NRP1: variants seen among roughly 807,000 people sequenced by gnomAD.
NRP1 encodes neuropilin 1.
In NRP1, 35 loss-of-function variants were observed where a neutral mutation model predicts 106.7. The ratio of observed to expected loss-of-function variants is 0.33; its 90% CI spans 0.25 to 0.43. The LOEUF is 0.43. NRP1 is among the 20% of genes least tolerant of loss of function. The pLI, the probability that NRP1 is intolerant of heterozygous loss-of-function variation, is 1.00. For synonymous variants in NRP1, 437 were observed against 417.9 expected, an observed-to-expected ratio of 1.05 and a Z score of -0.56; for missense variants, 1,024 against 1,170.4, an observed-to-expected ratio of 0.87 and a Z score of 1.83.
chr10:33,207,839 T>A, intron 9 of NRP1, 123 bp from the exon 10 acceptor site: 11 of 903,506 alleles, frequency 1.2e-5, no homozygotes, highest in Non-Finnish European at 1.5e-5. Flanking sequence ...ATTCTACCAC[T>A]TTGTGGTACA....
chr10:33,270,391 T>A (rs10827226), intron 3 of NRP1, among the ~76,000 whole-genome samples: 1 of 151,076 alleles, frequency 6.6e-6, no homozygotes, highest in African/African-American at 2.4e-5. Context: ...CAATGGCCTG[T>A]GCTCGGCTCA....
chr10:33,214,361 G>A (rs1838580866), intron 8 of NRP1, among the ~76,000 whole-genome samples: 1 of 152,106 alleles, frequency 6.6e-6, no homozygotes, highest in Non-Finnish European at 1.5e-5. Flanking sequence ...CCTTTCCCCT[G>A]GATACTGCAT....
chr10:33,186,771 C>G (rs1405005486), intron 13 of NRP1, among the ~76,000 whole-genome samples: 1 of 152,212 alleles, frequency 6.6e-6, no homozygotes, highest in Non-Finnish European at 1.5e-5. Context: ...TGCTATGCCT[C>G]AAGCTGGCAT....
chr10:33,230,806 A>G (rs758086482), intron 6 of NRP1, among the ~76,000 whole-genome samples: 13 of 152,322 alleles, frequency 8.5e-5, no homozygotes, highest in Non-Finnish European at 1.6e-4. Flanking sequence ...GCTTCTGTGC[A>G]TGTAAAATTT....
intron 7 of NRP1, 68 bp downstream of exon 7, chr10:33,226,066 C>T (rs980935656): frequency 1.3e-6 from 2 of 1,538,412 alleles, no homozygotes; most frequent in African/African-American, 2.7e-5. Flanking sequence ...AGCTACCAAA[C>T]AAACAAGTAA....
chr10:33,223,461 A>T (rs74810119), intron 7 of NRP1, among the ~76,000 whole-genome samples: 5 of 98,962 alleles, frequency 5.1e-5, no homozygotes, highest in Non-Finnish European at 8.6e-5. Context: ...TCTCTCCATT[A>T]AAAAAAAAAA....
intron 2 of NRP1, among the ~76,000 whole-genome samples, chr10:33,290,682 T>A (rs1844931070): frequency 6.6e-6 from 1 of 152,172 alleles, no homozygotes; most frequent in Admixed American, 6.5e-5. Context: ...ATGTCATAAG[T>A]CTCTGTGGTT....
At chr10:33,277,778 T>C (rs1843815888) in intron 2 of NRP1, among the ~76,000 whole-genome samples, 2 of 152,228 alleles carry the variant, frequency 1.3e-5, no homozygotes, top group Admixed American at 6.5e-5. Flanking sequence ...CTAGTTTCCT[T>C]TGAAGTTTGT....
At chr10:33,212,929 C>T in intron 9 of NRP1, 1 of 348,890 alleles carries the variant, frequency 2.9e-6, no homozygotes, top group Non-Finnish European at 5.2e-6. Flanking sequence ...ACTCGGCATC[C>T]CAAAGTGCTG....
intron 5 of NRP1, among the ~76,000 whole-genome samples, chr10:33,254,972 A>G (rs1343109204): frequency 1.3e-5 from 2 of 152,184 alleles, no homozygotes; most frequent in Non-Finnish European, 2.9e-5. Flanking sequence ...ATCAAAATCT[A>G]TATTCTCTTA....
At chr10:33,253,480 C>A (rs963363348) in intron 6 of NRP1, among the ~76,000 whole-genome samples, 2 of 152,170 alleles carry the variant, frequency 1.3e-5, no homozygotes, top group Non-Finnish European at 2.9e-5. Flanking sequence ...TGGAGAGTGC[C>A]TTCAACCAAA....
At chr10:33,194,182 G>A (rs538264346) in intron 12 of NRP1, among the ~76,000 whole-genome samples, 20 of 152,190 alleles carry the variant, frequency 1.3e-4, no homozygotes, top group Non-Finnish European at 1.9e-4. Flanking sequence ...TCAACTGAAC[G>A]GTGACTGAAT....
At chr10:33,307,712 TTTATAA>T (rs1363219083) in intron 2 of NRP1, among the ~76,000 whole-genome samples, 2 of 152,194 alleles carry the variant, frequency 1.3e-5, no homozygotes, top group African/African-American at 2.4e-5. Context: ...TCCATCATAA[TTTATAA>T]TTATTTATAA....
At chr10:33,294,791 G>A (rs558496721) in intron 2 of NRP1, among the ~76,000 whole-genome samples, 5 of 152,220 alleles carry the variant, frequency 3.3e-5, no homozygotes, top group African/African-American at 1.2e-4. Context: ...TCACCTCTCT[G>A]GGCCTTCGTT....
chr10:33,257,095 A>G (rs1454839201), intron 4 of NRP1, among the ~76,000 whole-genome samples: 2 of 152,234 alleles, frequency 1.3e-5, no homozygotes, highest in African/African-American at 4.8e-5. Context: ...AAATCATTGT[A>G]ACCATGTAAA....
At chr10:33,317,623 C>A (rs1301996782) in intron 2 of NRP1, among the ~76,000 whole-genome samples, 1 of 152,184 alleles carries the variant, frequency 6.6e-6, no homozygotes, top group Non-Finnish European at 1.5e-5. Context: ...TTGAATACTG[C>A]TATTTATGTA....
At chr10:33,226,058 C>A in intron 7 of NRP1, 76 bp downstream of exon 7, 1 of 1,494,762 alleles carries the variant, frequency 6.7e-7, no homozygotes, top group Admixed American at 1.8e-5. Flanking sequence ...AGACAGAAAG[C>A]TACCAAACAA....
At chr10:33,223,168 C>T (rs1328334530) in intron 7 of NRP1, among the ~76,000 whole-genome samples, 2 of 152,202 alleles carry the variant, frequency 1.3e-5, no homozygotes, top group African/African-American at 2.4e-5. Flanking sequence ...TCGAGGCATG[C>T]AGCTTCCTCC....
At chr10:33,249,443 G>A (rs528585748) in intron 6 of NRP1, 2 of 524,506 alleles carry the variant, frequency 3.8e-6, no homozygotes, top group Non-Finnish European at 7.8e-6. Flanking sequence ...TATTTTATAG[G>A]AAAAGAAACT....
Sources: gnomAD v4.1 joint callset for allele counts (sites outside exome capture counted in the v4.1 genomes callset) on GRCh38, gnomAD v4.1.1 for gene constraint, MANE v1.5 for transcripts, NCBI Gene and HGNC (gene_info 2026-07-23, HGNC 2026-07-21) for gene names.